Variants in ACSL3 observed in about 807,000 individuals in gnomAD.
ACSL3 encodes the protein fatty acid CoA ligase Acsl3.
A neutral mutation model predicts 84.7 loss-of-function variants in ACSL3; 34 were observed. The observed-to-expected ratio is 0.40, with a 90% CI of 0.31 to 0.53. ACSL3 has a LOEUF of 0.53. Among genes scored for constraint, ACSL3 ranks in the 20% least tolerant of loss-of-function variants. ACSL3 has a pLI of 0.48. For missense variants in ACSL3, 680 were observed against 873.1 expected (o/e 0.78, Z 2.79); for synonymous variants, 315 against 299.4 (o/e 1.05, Z -0.54).
rs1227766860 is a variant in ACSL3, at chr2:222,943,392, TG to T, written c.*1741del. The T allele has an allele frequency of 5.5e-6, 1 of 182,388 alleles. No individual in the cohort carries two copies. Among genetic ancestry groups the T allele is most frequent in the Non-Finnish European group, 1.2e-5 (1 of 85,658 alleles). The allele number at this position is 182,388 out of a possible 1,614,324, so 11.3% of individuals were successfully genotyped here. ...CTGTGATCTAAAAATTAAATCTCAG[TG>T]GGCGGAGAGAATTTGTTTCTGATGC... is the stretch of plus-strand genomic sequence containing the variant. On this transcript the variant is annotated 3_prime_UTR_variant, in exon 17 of 17. Transcript: ENST00000357430.
intron 1 of ACSL3, among the ~76,000 whole-genome samples, chr2:222,875,033 A>T (rs1180786201): frequency 1.3e-5 from 2 of 152,158 alleles, no homozygotes; most frequent in Admixed American, 1.3e-4. Flanking sequence ...AGGTGAAGTT[A>T]GGAATAATTG....
In ACSL3 at chr2:222,942,328, G is replaced by A. The variant is rs1697333620; in HGVS notation, c.*674G>A. On this transcript the variant is annotated 3_prime_UTR_variant, in exon 17 of 17. Coordinates refer to ENST00000357430, the MANE Select transcript of ACSL3 (RefSeq NM_004457.5). Reference sequence around the variant, plus strand: ...TGATGCATGAAACAAAATAGCAAGAGAGGGTTATAGTTTAATAGTAAGGGA... The same window carrying A: ...TGATGCATGAAACAAAATAGCAAGAAAGGGTTATAGTTTAATAGTAAGGGA... 1.1e-5 allele frequency: 2 copies of A among 188,232 alleles called. No homozygotes were observed. Among genetic ancestry groups the A allele is most frequent in the African/African-American group, 4.7e-5 (2 of 42,862 alleles). 11.7% of individuals were successfully genotyped at this position (188,232 alleles called of 1,614,324 possible). A position where few individuals can be genotyped will look rare whatever the true frequency, so the allele number is the denominator to read the frequency against.
In ACSL3 at chr2:222,908,897, A is replaced by G. The variant is rs767057399; in HGVS notation, c.125A>G (p.Tyr42Cys). ...LYTILTYIPF[Y>C]FFSESRQEKS... Reference sequence around the variant, plus strand: ...ACTATTTTAACATACATTCCGTTTTATTTTTTCTCCGAGTCAAGACAAGAA... The same window carrying G: ...ACTATTTTAACATACATTCCGTTTTGTTTTTTCTCCGAGTCAAGACAAGAA... The change falls in exon 4 of 17, where the codon TAT becomes TGT. Residue 42 changes from tyrosine (Y) to cysteine (C), a missense_variant. By Grantham distance (194) the Tyr-to-Cys change is radical. Around this residue, in one of 2 missense-constraint regions of ACSL3, gnomAD observed 333 missense variants for 347.5 expected, o/e 0.96. Coordinates refer to ENST00000357430, the MANE Select transcript of ACSL3 (RefSeq NM_004457.5). 6.2e-7 allele frequency: 1 copy of G among 1,611,770 alleles called. No homozygotes were observed. Among genetic ancestry groups the G allele is most frequent in the Non-Finnish European group, 8.5e-7 (1 of 1,179,056 alleles).
rs180724532 is a variant in ACSL3 at position 222,914,847 on chromosome 2, A to G, written c.379-1472A>G. Among the ~76,000 whole-genome samples, 17 of 152,376 alleles carry G rather than the reference A, an allele frequency of 1.1e-4. 1 individual carries two copies. In the East Asian group the frequency reaches 1.9e-3, roughly 17 times the overall value. Reference sequence around the variant, plus strand: ...TCTAAATGTAATATTTATGAAAAACATAATTACTAGATGATTCAGTGGTTT... The same window carrying G: ...TCTAAATGTAATATTTATGAAAAACGTAATTACTAGATGATTCAGTGGTTT... On this transcript the variant is annotated intron_variant, in intron 4 of 16. Coordinates refer to ENST00000357430, the MANE Select transcript of ACSL3 (RefSeq NM_004457.5).
At chr2:222,875,164 C>T (rs1407655234) in intron 1 of ACSL3, among the ~76,000 whole-genome samples, 3 of 151,952 alleles carry the variant, frequency 2.0e-5, no homozygotes, top group East Asian at 3.9e-4. Flanking sequence ...AGTAAATGTA[C>T]CTATTGTTAT....
intron 1 of ACSL3, among the ~76,000 whole-genome samples, chr2:222,884,773 A>G (rs1695679529): frequency 6.6e-6 from 1 of 152,168 alleles, no homozygotes; most frequent in Non-Finnish European, 1.5e-5. Context: ...GCTTACTACA[A>G]CTACTTAGAG....
chr2:222,914,402 G>A (rs10172473), intron 4 of ACSL3, among the ~76,000 whole-genome samples: 127,304 of 151,976 alleles, frequency 0.84, 53,665 homozygotes, highest in East Asian at 0.98. Flanking sequence ...TAGCTGGGAC[G>A]ACAGGCATGT....
In ACSL3 at chr2:222,923,594, C is replaced by T. The variant is rs73991926; in HGVS notation, c.1152+445C>T. Among the ~76,000 whole-genome samples, 1,407 of 152,224 alleles carry T rather than the reference C, an allele frequency of 9.2e-3. 26 individuals carry two copies. The highest frequency in any genetic ancestry group is 0.031 in the African/African-American group (1,278 of 41,530). ...GAGAAGCTGGTGCAGCTTTGAATGA[C>T]TTAAGAGGGGCTGTTCATCCTTACA... is the stretch of plus-strand genomic sequence containing the variant. On this transcript the variant is annotated intron_variant, in intron 10 of 16. Transcript: ENST00000357430.
intron 4 of ACSL3, among the ~76,000 whole-genome samples, chr2:222,914,212 A>G (rs1191303647): frequency 6.7e-6 from 1 of 149,356 alleles, no homozygotes; most frequent in African/African-American, 2.5e-5. Context: ...AGAGAGAAGG[A>G]AGGGTGGAAG....
rs200213683 is a variant in ACSL3, at chr2:222,919,213, C to G, written c.805+11C>G. 66 of 1,613,492 alleles carry G rather than the reference C, an allele frequency of 4.1e-5. No individual in the cohort carries two copies. The South Asian group carries it at 6.5e-4, about 16-fold the overall frequency. Reference sequence around the variant, plus strand: ...CCAAGGCCAGCATGGGTATGTTACACTTTTCTAATTCCTTACCTGTGCTTT... The same window carrying G: ...CCAAGGCCAGCATGGGTATGTTACAGTTTTCTAATTCCTTACCTGTGCTTT... On this transcript the variant is annotated intron_variant, in intron 7 of 16. Coordinates refer to ENST00000357430, the MANE Select transcript of ACSL3 (RefSeq NM_004457.5).
intron 7 of ACSL3, chr2:222,921,042 C>A (rs756793649): frequency 6.5e-6 from 4 of 613,760 alleles, no homozygotes; most frequent in African/African-American, 5.5e-5. Flanking sequence ...ATCTTCTCAC[C>A]TTGTCTTGCT....
In ACSL3 at chr2:222,943,396, C is replaced by T. The variant is rs991688395; in HGVS notation, c.*1742C>T. ...GATCTAAAAATTAAATCTCAGTGGG[C>T]GGAGAGAATTTGTTTCTGATGCCTT... On this transcript the variant is annotated 3_prime_UTR_variant, in exon 17 of 17. Transcript: ENST00000357430. 3.9e-5 allele frequency: 7 copies of T among 180,838 alleles called. No individual in the cohort carries two copies. The highest frequency in any genetic ancestry group is 5.9e-5 in the Non-Finnish European group (5 of 84,994). The allele number at this position is 180,838 out of a possible 1,614,324, so 11.2% of individuals were successfully genotyped here.
intron 1 of ACSL3, among the ~76,000 whole-genome samples, chr2:222,864,412 G>A (rs1012753591): frequency 6.6e-6 from 1 of 152,186 alleles, no homozygotes; most frequent in Non-Finnish European, 1.5e-5. Flanking sequence ...AAGGAGGCCT[G>A]GGATGGAGCT....
chr2:222,919,557 T>C (rs1446096435), intron 7 of ACSL3, among the ~76,000 whole-genome samples: 1 of 152,198 alleles, frequency 6.6e-6, no homozygotes, highest in East Asian at 1.9e-4. Flanking sequence ...GTTAACAGAG[T>C]GGCTAAACCT....
At chr2:222,923,596 T>G (rs1696796257) in intron 10 of ACSL3, among the ~76,000 whole-genome samples, 1 of 152,098 alleles carries the variant, frequency 6.6e-6, no homozygotes, top group Non-Finnish European at 1.5e-5. Context: ...TTGAATGACT[T>G]AAGAGGGGCT....
intron 5 of ACSL3, among the ~76,000 whole-genome samples, chr2:222,917,192 CA>C (rs1696607564): frequency 6.6e-6 from 1 of 152,158 alleles, no homozygotes; most frequent in Admixed American, 6.5e-5. Flanking sequence ...CGGGTTCAAG[CA>C]ATTCTCCTGC....
intron 2 of ACSL3, among the ~76,000 whole-genome samples, chr2:222,899,390 G>A (rs544538018): frequency 1.3e-4 from 20 of 152,182 alleles, no homozygotes; most frequent in African/African-American, 4.8e-4. Context: ...CAGGAGAATC[G>A]CTTGAACCTG....
At chr2:222,885,620 T>G (rs2106097916) in intron 1 of ACSL3, among the ~76,000 whole-genome samples, 1 of 152,272 alleles carries the variant, frequency 6.6e-6, no homozygotes, top group South Asian at 2.1e-4. Flanking sequence ...CACAAGAAAT[T>G]ATTAATAACA....
chr2:222,909,943 A>T (rs1696400564), intron 4 of ACSL3, among the ~76,000 whole-genome samples: 1 of 152,172 alleles, frequency 6.6e-6, no homozygotes, highest in Non-Finnish European at 1.5e-5. Context: ...CCCCAGGGAC[A>T]CTACAGCTAG....
Sources: gnomAD v4.1 joint callset for allele counts (sites outside exome capture counted in the v4.1 genomes callset) on GRCh38, gnomAD v4.1.1 for gene constraint, gnomAD v4.1.1 regional missense constraint, MANE v1.5 for transcripts, NCBI Gene and HGNC (gene_info 2026-07-23, HGNC 2026-07-21) for gene names.